Variants in CAMTA2 observed in about 807,000 individuals in gnomAD.
CAMTA2 encodes the protein calmodulin-binding transcription activator 2.
A neutral mutation model predicts 135.7 loss-of-function variants in CAMTA2; 56 were observed. The ratio of observed to expected loss-of-function variants is 0.41; its 90% confidence interval spans 0.33 to 0.52. The LOEUF is 0.52. Among genes scored for constraint, CAMTA2 ranks in the 20% least tolerant of loss-of-function variants. CAMTA2 has a pLI of 0.16. For synonymous variants in CAMTA2, 591 were observed against 604.6 expected, an observed-to-expected ratio of 0.98 and a Z score of 0.33; for missense variants, 1,358 against 1,553.4, an observed-to-expected ratio of 0.87 and a Z score of 2.11.
intron 17 of CAMTA2, 115 bp from the exon 18 acceptor site, chr17:4,970,200 G>A: frequency 7.2e-7 from 1 of 1,387,310 alleles, no homozygotes; most frequent in Non-Finnish European, 1.0e-6. Flanking sequence ...TGACTTCAGA[G>A]TTCATCAGCC....
chr17:4,978,800 TC>T, intron 9 of CAMTA2, among the ~76,000 whole-genome samples, 170 bp from the exon 10 acceptor site: 1 of 152,104 alleles, frequency 6.6e-6, no homozygotes. Context: ...AGTCTATCTC[TC>T]CCCAACATTC....
Position 4,982,175 on chromosome 17 carries a change from G to A in CAMTA2, c.340-15C>T. The A allele has an allele frequency of 1.3e-6, 1 of 770,444 alleles. No homozygotes were observed. The highest frequency in any genetic ancestry group is 2.2e-6 in the Non-Finnish European group (1 of 460,450). 47.7% of individuals were successfully genotyped at this position (770,444 alleles called of 1,614,324 possible). On this transcript the variant is annotated splice_polypyrimidine_tract_variant and intron_variant, in intron 5 of 22. Transcript: ENST00000348066. ...CCATAGAGACACTGCCAGGAGACAGGCTGGGGTGGGGGGAGGGCTAGTCTG... is the reference window on the plus strand; with the variant it reads ...CCATAGAGACACTGCCAGGAGACAGACTGGGGTGGGGGGAGGGCTAGTCTG...
chr17:4,979,666 G>C lies in CAMTA2; in HGVS notation c.1638+18C>G, dbSNP rs1303089978. On this transcript the variant is annotated intron_variant, in intron 9 of 22. Transcript: ENST00000348066. ...GACAAATAGGAGGGAGGAGGGAGGA[G>C]GTAAGCCTGAGTCTCACCTCTGGGT... 5.1e-6 allele frequency: 8 copies of C among 1,560,796 alleles called. No individual in the cohort carries two copies. The highest frequency in any genetic ancestry group is 3.4e-5 in the Admixed American group (2 of 58,872).
Position 4,968,450 on chromosome 17 carries a change from G to A in CAMTA2, c.*306C>T, listed in dbSNP as rs1972043034. 1 of 521,470 alleles carries A rather than the reference G, an allele frequency of 1.9e-6. No individual in the cohort carries two copies. The highest frequency in any genetic ancestry group is 3.4e-6 in the Non-Finnish European group (1 of 290,732). The allele number at this position is 521,470 out of a possible 1,614,324, so 32.3% of individuals were successfully genotyped here. A position where few individuals can be genotyped will look rare whatever the true frequency, so the allele number is the denominator to read the frequency against. On this transcript the variant is annotated 3_prime_UTR_variant, in exon 23 of 23. Coordinates refer to ENST00000348066, the MANE Select transcript of CAMTA2 (RefSeq NM_015099.4). ...ATAAGGCAAGTCAGGAGGGGGCCGA[G>A]TCGGGTGCAGGCAGGAGGAGCTGGG...
intron 9 of CAMTA2, 167 bp downstream of exon 9, chr17:4,979,508 CAAAAAAAAA>C (rs5819002): frequency 4.9e-6 from 1 of 203,524 alleles, no homozygotes. Flanking sequence ...GAAACTGTCT[CAAAAAAAAA>C]AAAAAAAAAA....
Position 4,972,797 on chromosome 17 carries a change from T to C in CAMTA2, c.2475A>G (p.Leu825=). 6.2e-7 allele frequency: 1 copy of C among 1,613,792 alleles called. No individual in the cohort carries two copies. ...QEPSVEPPFA[L]SPPSSSPDTG... ...TGTCTGGGCTGGAGGAGGGTGGCGA[T>C]AGGGCAAATGGGGGCTCCACCGAAG... is the stretch of plus-strand genomic sequence containing the variant. The change falls in exon 15 of 23, where the codon CTA becomes CTG. Residue 825 remains leucine (L), a synonymous_variant. Transcript: ENST00000348066.
chr17:4,980,926 G>T lies in CAMTA2; in HGVS notation c.700+299C>A, dbSNP rs1179304902. 6.6e-6 allele frequency among the ~76,000 whole-genome samples: 1 copy of T among 152,162 alleles called. No homozygotes were observed. The highest frequency in any genetic ancestry group is 1.5e-5 in the Non-Finnish European group (1 of 68,026). ...GAAAAGGACAAAAGAACAGAACCAAGGGGGTGCCAACTAGGAGGAAGGCTA... is the reference window on the plus strand; with the variant it reads ...GAAAAGGACAAAAGAACAGAACCAATGGGGTGCCAACTAGGAGGAAGGCTA... On this transcript the variant is annotated intron_variant, in intron 8 of 22. Coordinates refer to ENST00000348066, the MANE Select transcript of CAMTA2 (RefSeq NM_015099.4). The surrounding 1 kb of genome is among the most constrained non-coding windows in gnomAD (Gnocchi z 5.3).
chr17:4,968,750 G>A lies in CAMTA2; in HGVS notation c.*6C>T. On this transcript the variant is annotated 3_prime_UTR_variant, in exon 23 of 23. Coordinates refer to ENST00000348066, the MANE Select transcript of CAMTA2 (RefSeq NM_015099.4). Reference sequence around the variant, plus strand: ...CCCCAGGGTGGTGAGAAAGGCGGTGGCCAGGTCATGTGGCCAGTCCCGGCT... The same window carrying A: ...CCCCAGGGTGGTGAGAAAGGCGGTGACCAGGTCATGTGGCCAGTCCCGGCT... The A allele has an allele frequency of 1.2e-6, 2 of 1,614,002 alleles. No homozygotes were observed. The highest frequency in any genetic ancestry group is 8.5e-7 in the Non-Finnish European group (1 of 1,179,994).
intron 11 of CAMTA2, chr17:4,974,808 C>G (rs140987760): frequency 5.2e-5 from 13 of 252,144 alleles, no homozygotes; most frequent in Middle Eastern, 1.4e-3. Flanking sequence ...AAATCCCACC[C>G]GTACACACTC....
intron 3 of CAMTA2, among the ~76,000 whole-genome samples, chr17:4,985,027 CA>C (rs1555563162): frequency 6.9e-6 from 1 of 145,256 alleles, no homozygotes; most frequent in African/African-American, 2.6e-5. Flanking sequence ...AAAAAAAAAA[CA>C]AACAAAAATT....
Position 4,981,711 on chromosome 17 carries a change from G to C in CAMTA2, c.532C>G (p.Arg178Gly), listed in dbSNP as rs767517410. The C allele has an allele frequency of 2.5e-6, 4 of 1,611,518 alleles. No homozygotes were observed. The highest frequency in any genetic ancestry group is 1.7e-5 in the Admixed American group (1 of 59,450). The change falls in exon 7 of 23, where the codon CGG (arginine) becomes GGG (glycine). Residue 178 changes from arginine (R) to glycine (G), a missense_variant. This residue lies in a region of CAMTA2 where 1,077 missense variants were observed against 1,127.5 expected (regional missense o/e 0.96). Coordinates refer to ENST00000348066, the MANE Select transcript of CAMTA2 (RefSeq NM_015099.4). ...TTCAGCTGTCCCAACAACTCCTCCC[G>C]GGACCACTTCAGCCACTCTCGACGG... Reference protein sequence around the residue: ...SDRREWLKWSREELLGQLKPM... With the variant: ...SDRREWLKWSGEELLGQLKPM...
At chr17:4,982,938 G>C in intron 4 of CAMTA2, 38 bp downstream of exon 4, 2 of 1,614,116 alleles carry the variant, frequency 1.2e-6, no homozygotes, top group Non-Finnish European at 1.7e-6. Flanking sequence ...CAGAACCCAG[G>C]ACCCCTGCCA....
intron 16 of CAMTA2, among the ~76,000 whole-genome samples, chr17:4,970,763 G>C (rs1972233016): frequency 6.6e-6 from 1 of 152,198 alleles, no homozygotes. Context: ...TACTCCAAGT[G>C]GGGATTCAAA....
At chr17:4,978,671 G>A (rs17633805) in intron 9 of CAMTA2, 41 bp from the exon 10 acceptor site, 23,388 of 1,598,422 alleles carry the variant, frequency 0.015, 222 homozygotes, top group Non-Finnish European at 0.018. Context: ...GGAGTTGGGC[G>A]TTCATCCCCT....
chr17:4,977,463 G>A (rs72835100), intron 10 of CAMTA2, among the ~76,000 whole-genome samples: 13,491 of 152,284 alleles, frequency 0.089, 773 homozygotes, highest in Non-Finnish European at 0.12. Flanking sequence ...GGAAACTGAG[G>A]GTCAAGAGAC....
At chr17:4,981,106 G>T in intron 8 of CAMTA2, 119 bp downstream of exon 8, 2 of 1,265,428 alleles carry the variant, frequency 1.6e-6, no homozygotes, top group Non-Finnish European at 2.2e-6. Context: ...ATCTTTCTGG[G>T]ACATGCAAAA....
chr17:4,987,376 G>A, intron 1 of CAMTA2: 1 of 1,361,366 alleles, frequency 7.3e-7, no homozygotes, highest in Non-Finnish European at 9.4e-7. Context: ...GCCGGGTGCG[G>A]GGGTCTCCGG....
rs781138820 is a variant in CAMTA2 at position 4,973,565 on chromosome 17, A to C, written c.2201+20T>G. On this transcript the variant is annotated intron_variant, in intron 13 of 22. Transcript: ENST00000348066. ...CTGTCCCAGAGGCTGCCCAGCCCTC[A>C]CCCAGCTGCCCTTGCTCACCGCCAC... is the stretch of plus-strand genomic sequence containing the variant. 8 of 1,601,490 alleles carry C rather than the reference A, an allele frequency of 5.0e-6. No individual in the cohort carries two copies. Among genetic ancestry groups the C allele is most frequent in the Admixed American group, 3.4e-5 (2 of 58,808 alleles).
At chr17:4,986,508 A>C in intron 1 of CAMTA2, 1 of 542,444 alleles carries the variant, frequency 1.8e-6, no homozygotes, top group Non-Finnish European at 3.2e-6. Flanking sequence ...AGCAGGAAGA[A>C]ATGGGTTGGG....
Sources: allele counts gnomAD v4.1 joint callset (sites outside exome capture counted in the v4.1 genomes callset), GRCh38; gene constraint gnomAD v4.1.1; regional missense constraint gnomAD v4.1.1; non-coding constraint Gnocchi (gnomAD v3.1); transcripts MANE v1.5; gene names NCBI Gene and HGNC (gene_info 2026-07-23, HGNC 2026-07-21).